Variants in TTLL8 observed in about 807,000 individuals in gnomAD.
TTLL8 encodes the protein tubulin tyrosine ligase like 8.
Under a neutral mutation model 77.8 loss-of-function variants are expected in TTLL8, and 65 were observed. The ratio of observed to expected loss-of-function variants is 0.84; its 90% CI spans 0.68 to 1.03. The LOEUF (loss-of-function observed/expected upper bound fraction) is 1.03. Among genes scored for constraint, TTLL8 ranks in the 50% least tolerant of loss-of-function variants. The pLI is 0.00. For missense variants in TTLL8, 910 were observed against 1,004.5 expected, an observed-to-expected ratio of 0.91 and a Z score of 1.27; for synonymous variants, 402 against 422.8, an observed-to-expected ratio of 0.95 and a Z score of 0.60.
At chr22:50,042,053 C>T (rs1300123575) in intron 6 of TTLL8, among the ~76,000 whole-genome samples, 6 of 152,332 alleles carry the variant, frequency 3.9e-5, no homozygotes, top group South Asian at 4.1e-4. Context: ...CGGTCCCAAC[C>T]TCCAATGGCT....
At chr22:50,020,427 C>CAAT (rs1465106586) in intron 12 of TTLL8, among the ~76,000 whole-genome samples, 5 of 147,924 alleles carry the variant, frequency 3.4e-5, no homozygotes, top group African/African-American at 1.3e-4. Context: ...CTCCATCTGA[C>CAAT]GTGCACTACT....
chr22:50,048,390 G>A (rs927761929), intron 3 of TTLL8, among the ~76,000 whole-genome samples: 2 of 152,112 alleles, frequency 1.3e-5, no homozygotes, highest in Non-Finnish European at 2.9e-5. Flanking sequence ...TGATGGGCTA[G>A]CACCCTTATA....
chr22:50,048,809 G>A (rs562015024), intron 3 of TTLL8, among the ~76,000 whole-genome samples: 4 of 152,354 alleles, frequency 2.6e-5, no homozygotes, highest in South Asian at 2.1e-4. Context: ...TCTTTATGGT[G>A]GAGTGTTGGG....
In TTLL8 at chr22:50,045,985, G is replaced by A. The variant is rs1358506188; in HGVS notation, c.394-15C>T. 3 of 1,337,976 alleles carry A rather than the reference G, an allele frequency of 2.2e-6. No individual in the cohort carries two copies. Among genetic ancestry groups the A allele is most frequent in the Non-Finnish European group, 3.0e-6 (3 of 1,010,758 alleles). 82.9% of individuals were successfully genotyped at this position (1,337,976 alleles called of 1,614,324 possible). A position where few individuals can be genotyped will look rare whatever the true frequency, so the allele number is the denominator to read the frequency against. On this transcript the variant is annotated splice_polypyrimidine_tract_variant and intron_variant, in intron 4 of 13. Coordinates refer to ENST00000266182, the Ensembl canonical transcript of TTLL8. ...CACAGCCCGATCTCCAGAGACAGTG[G>A]CGTGTTAGGCAGGAGGGGCAGCTCA...
At position 50,041,497 on chromosome 22, in the gene TTLL8, A is replaced by G. The variant is rs2061370590; in HGVS notation, c.830+124T>C. 8.2e-7 allele frequency: 1 copy of G among 1,212,614 alleles called. No homozygotes were observed. The allele number at this position is 1,212,614 out of a possible 1,614,324, so 75.1% of individuals were successfully genotyped here. ...GCCAGGACAGGCATCTCAACACTCA[A>G]TACCCCACAGGTAGCCTAATGCCCA... On this transcript the variant is annotated intron_variant, in intron 7 of 13. Coordinates refer to ENST00000266182, the Ensembl canonical transcript of TTLL8. The surrounding 1 kb of genome is among the most constrained non-coding windows in gnomAD (Gnocchi z 4.3).
chr22:50,024,518 A>G (rs1453315357), intron 12 of TTLL8, among the ~76,000 whole-genome samples: 1 of 152,228 alleles, frequency 6.6e-6, no homozygotes, highest in African/African-American at 2.4e-5. Context: ...TCAAGAGAGT[A>G]TATTTTTGAC....
chr22:50,042,585 T>C (rs781139489), intron 6 of TTLL8, among the ~76,000 whole-genome samples: 1 of 152,216 alleles, frequency 6.6e-6, no homozygotes, highest in Non-Finnish European at 1.5e-5. Flanking sequence ...CACTATGGAC[T>C]AGCAATTCTG....
chr22:50,024,306 T>TCA (rs1315409397), intron 12 of TTLL8, among the ~76,000 whole-genome samples: 1 of 152,056 alleles, frequency 6.6e-6, no homozygotes, highest in Non-Finnish European at 1.5e-5. Context: ...CTGGCTATTT[T>TCA]TTTTTTAGTA....
intron 12 of TTLL8, among the ~76,000 whole-genome samples, chr22:50,022,097 CGTGCACTCCTCCATCTGACGAT>C (rs2061205979): frequency 7.1e-6 from 1 of 141,772 alleles, no homozygotes; most frequent in South Asian, 2.4e-4. Flanking sequence ...CTCCATCTGA[CGTGCACTCCTCCATCTGACGAT>C]GTGCACTCCT....
intron 12 of TTLL8, among the ~76,000 whole-genome samples, chr22:50,026,795 C>T (rs538447111): frequency 1.4e-4 from 22 of 152,126 alleles, no homozygotes; most frequent in Non-Finnish European, 2.9e-4. Flanking sequence ...ATTTACTAGG[C>T]AAGAAAAACC....
chr22:50,036,793 T>C (rs1229825403), intron 8 of TTLL8, among the ~76,000 whole-genome samples: 2 of 152,054 alleles, frequency 1.3e-5, no homozygotes, highest in African/African-American at 2.4e-5. Flanking sequence ...GAAACAGATT[T>C]CACCATTTTT....
At chr22:50,027,096 C>T (rs912447304) in intron 12 of TTLL8, among the ~76,000 whole-genome samples, 3 of 152,110 alleles carry the variant, frequency 2.0e-5, no homozygotes, top group Admixed American at 6.5e-5. Context: ...ATTAGCTGGG[C>T]GTGGTGGTGC....
chr22:50,025,687 C>A (rs1211025901), intron 12 of TTLL8, among the ~76,000 whole-genome samples: 1 of 152,120 alleles, frequency 6.6e-6, no homozygotes, highest in Non-Finnish European at 1.5e-5. Flanking sequence ...AAAACCACTA[C>A]AAGTAACTAA....
At chr22:50,056,456 T>G (rs968785162), upstream of TTLL8, among the ~76,000 whole-genome samples, 2 of 152,080 alleles carry the variant, frequency 1.3e-5, no homozygotes, top group African/African-American at 4.8e-5. The surrounding 1 kb of genome is among the most constrained non-coding windows in gnomAD (Gnocchi z 4.1). Context: ...TGGGGGACCT[T>G]CTAAAGCTAA....
In TTLL8 at chr22:50,020,639, G is replaced by A. The variant is rs1052126253; in HGVS notation, c.2204-4077C>T. 1.1e-4 allele frequency among the ~76,000 whole-genome samples: 15 copies of A among 141,818 alleles called. No homozygotes were observed. The South Asian group carries it at 2.8e-3, about 26-fold the overall frequency. 93.0% of individuals were successfully genotyped at this position (141,818 alleles called of 152,430 possible). A position where few individuals can be genotyped will look rare whatever the true frequency, so the allele number is the denominator to read the frequency against. On this transcript the variant is annotated intron_variant, in intron 12 of 13. Coordinates refer to ENST00000266182, the Ensembl canonical transcript of TTLL8. ...GACGTGTACCCCTCCATCTGACAAC[G>A]TGCACTCCTCCATCTGACAACATGC...
intron 8 of TTLL8, among the ~76,000 whole-genome samples, chr22:50,036,177 G>A (rs1385383916): frequency 6.6e-6 from 1 of 152,212 alleles, no homozygotes. Context: ...CCCAGCAGGT[G>A]AGGACTGACG....
rs557565582 is a variant in TTLL8, at chr22:50,029,507, T to C, written c.2203+923A>G. Among the ~76,000 whole-genome samples the C allele has an allele frequency of 1.7e-3, 254 of 151,720 alleles. 4 individuals carry two copies. The highest frequency in any genetic ancestry group is 6.2e-3 in the South Asian group (30 of 4,802). On this transcript the variant is annotated intron_variant, in intron 12 of 13. Coordinates refer to ENST00000266182, the Ensembl canonical transcript of TTLL8. ...CTGTAATCCCAGCACCTTGGGAGGCTGAGGCGGCGGATCACGAGGTCAGGA... is the reference window on the plus strand; with the variant it reads ...CTGTAATCCCAGCACCTTGGGAGGCCGAGGCGGCGGATCACGAGGTCAGGA...
At position 50,034,540 on chromosome 22, in the gene TTLL8, G is replaced by GAGATGCACATCCCAAACTCATCA. The variant is rs1280879491; in HGVS notation, c.922-79_922-78insTGATGAGTTTGGGATGTGCATCT. 7.8e-7 allele frequency: 1 copy of GAGATGCACATCCCAAACTCATCA among 1,287,910 alleles called. No individual in the cohort carries two copies. Among genetic ancestry groups the GAGATGCACATCCCAAACTCATCA allele is most frequent in the Non-Finnish European group, 1.0e-6 (1 of 980,712 alleles). 79.8% of individuals were successfully genotyped at this position (1,287,910 alleles called of 1,614,324 possible). On this transcript the variant is annotated intron_variant, in intron 8 of 13. Transcript: ENST00000266182. This position sits in a 1 kb window ranked among gnomAD's most constrained non-coding sequence, Gnocchi z 4.1. ...AAGATCCAGAAAGTGCATGAGACTT[G>GAGATGCACATCCCAAACTCATCA]GAGGCCTGGGCCCCGCCTCACCCAC... is the stretch of plus-strand genomic sequence containing the variant.
chr22:50,030,506 A>C, exon 12 of TTLL8: 1 of 1,340,654 alleles, frequency 7.5e-7, no homozygotes, highest in Non-Finnish European at 9.9e-7. Context: ...GCGGGTGCGC[A>C]TTTAGCTGGT....
Sources: allele counts gnomAD v4.1 joint callset (sites outside exome capture counted in the v4.1 genomes callset), GRCh38; gene constraint gnomAD v4.1.1; non-coding constraint Gnocchi (gnomAD v3.1); transcripts MANE v1.5; gene names NCBI Gene and HGNC (gene_info 2026-07-23, HGNC 2026-07-21).